Variants in KDM4B observed in about 807,000 individuals in gnomAD.
KDM4B encodes the protein lysine-specific demethylase 4B.
KDM4B carries 32 observed loss-of-function variants against 125.2 expected under a neutral mutation model. The ratio of observed to expected loss-of-function variants is 0.26; its 90% CI spans 0.19 to 0.34. The LOEUF (loss-of-function observed/expected upper bound fraction) is 0.34, where lower values mean the gene tolerates loss of function less well. KDM4B is among the 10% of genes least tolerant of loss of function. The pLI, the probability that KDM4B is intolerant of heterozygous loss-of-function variation, is 1.00. For synonymous variants in KDM4B, 721 were observed against 677.9 expected, an observed-to-expected ratio of 1.06 and a Z score of -0.99; for missense variants, 1,190 against 1,577.7, an observed-to-expected ratio of 0.75 and a Z score of 4.16.
At chr19:5,049,588 C>T (rs1311230173) in intron 6 of KDM4B, among the ~76,000 whole-genome samples, 2 of 152,110 alleles carry the variant, frequency 1.3e-5, no homozygotes, top group East Asian at 1.9e-4. Flanking sequence ...GCTCCCCACT[C>T]GCCCCCACAG....
Position 5,002,466 on chromosome 19 carries a change from C to T in KDM4B, c.-108-13791C>T, listed in dbSNP as rs966702358. On this transcript the variant is annotated intron_variant, in intron 1 of 22. Transcript: ENST00000159111. The stretch of plus-strand genomic sequence containing the variant: ...TCCCCTTTCTCTCTCCTTTCCTTTC[C>T]TTTCCTTTCCTTCTTTCTTTCCTTT... Among the ~76,000 whole-genome samples, 8 of 149,518 alleles carry T rather than the reference C, an allele frequency of 5.4e-5. No individual in the cohort carries two copies. In the Admixed American group the frequency reaches 5.4e-4, roughly 10 times the overall value.
chr19:5,088,420 G>T (rs1397910827), intron 9 of KDM4B, among the ~76,000 whole-genome samples: 1 of 152,204 alleles, frequency 6.6e-6, no homozygotes, highest in Non-Finnish European at 1.5e-5. Context: ...GGACACCACG[G>T]ATACAAACCC....
intron 6 of KDM4B, among the ~76,000 whole-genome samples, chr19:5,059,238 G>A (rs1485555935): frequency 2.0e-5 from 3 of 152,202 alleles, no homozygotes; most frequent in African/African-American, 7.2e-5. Context: ...GAGAGTCTTC[G>A]TTATCTTTGC....
At chr19:5,069,586 G>A (rs1307814405) in intron 6 of KDM4B, among the ~76,000 whole-genome samples, 3 of 150,980 alleles carry the variant, frequency 2.0e-5, no homozygotes, top group Middle Eastern at 3.2e-3. Context: ...GGGATTAGAC[G>A]TGAGCCACTG....
intron 21 of KDM4B, among the ~76,000 whole-genome samples, chr19:5,148,919 G>T (rs996315851): frequency 1.3e-5 from 2 of 152,208 alleles, no homozygotes; most frequent in Non-Finnish European, 2.9e-5. Flanking sequence ...TTCCCAGCAG[G>T]CTCCTCCACA....
At position 5,047,583 on chromosome 19, in the gene KDM4B, C is replaced by T; in HGVS notation, c.540C>T (p.Gly180=). 3 of 1,614,038 alleles carry T rather than the reference C, an allele frequency of 1.9e-6. No homozygotes were observed. The highest frequency in any genetic ancestry group is 2.5e-6 in the Non-Finnish European group (3 of 1,179,934). ...EGVNTPYLYF[G]MWKTTFAWHT... is the part of the protein sequence containing the mutation. ...TGAACACGCCCTACCTGTACTTCGGCATGTGGAAGACCACCTTCGCCTGGC... is the reference window on the plus strand; with the variant it reads ...TGAACACGCCCTACCTGTACTTCGGTATGTGGAAGACCACCTTCGCCTGGC... The change falls in exon 6 of 23, where the codon GGC becomes GGT. Residue 180 remains glycine (G), a synonymous_variant. Coordinates refer to ENST00000159111, the MANE Select transcript of KDM4B (RefSeq NM_015015.3).
chr19:4,988,449 G>A (rs769043455), intron 1 of KDM4B, among the ~76,000 whole-genome samples: 1 of 151,996 alleles, frequency 6.6e-6, no homozygotes, highest in African/African-American at 2.4e-5. Context: ...CTAATTTTTT[G>A]TATTTTTAGT....
At chr19:5,137,014 C>T (rs901511738) in intron 15 of KDM4B, among the ~76,000 whole-genome samples, 2 of 152,204 alleles carry the variant, frequency 1.3e-5, no homozygotes, top group Non-Finnish European at 1.5e-5. Flanking sequence ...CCCTGCTTCC[C>T]CTCCTGCGTC....
At chr19:5,047,772 G>A (rs747714089) in intron 6 of KDM4B, 103 bp downstream of exon 6, 169 of 1,161,976 alleles carry the variant, frequency 1.5e-4, no homozygotes, top group Middle Eastern at 2.8e-4. Context: ...GCCCCACCAG[G>A]TGAGGCCGCA....
At chr19:5,032,611 G>A (rs1356336398) in intron 2 of KDM4B, among the ~76,000 whole-genome samples, 4 of 152,210 alleles carry the variant, frequency 2.6e-5, no homozygotes, top group East Asian at 3.8e-4. Flanking sequence ...ACTGGCTCCC[G>A]GTGTCGCCTC....
chr19:5,145,217 G>GTTTT (rs576512998), intron 21 of KDM4B, among the ~76,000 whole-genome samples: 3 of 146,126 alleles, frequency 2.1e-5, no homozygotes, highest in Non-Finnish European at 3.0e-5. Flanking sequence ...GTACCCCTGG[G>GTTTT]TTTTTTTTTT....
chr19:5,071,070 G>T lies in KDM4B; in HGVS notation c.676+11G>T. 1 of 1,612,148 alleles carries T rather than the reference G, an allele frequency of 6.2e-7. No individual in the cohort carries two copies. Among genetic ancestry groups the T allele is most frequent in the Non-Finnish European group, 8.5e-7 (1 of 1,179,372 alleles). On this transcript the variant is annotated intron_variant, in intron 7 of 22. Transcript: ENST00000159111. The stretch of plus-strand genomic sequence containing the variant: ...AGCGGCTGGCCATCGGTAGGTGCCT[G>T]CCCTGAGGGCCCCAGGGACCTGGGA...
chr19:5,007,391 C>T (rs1036613896), intron 1 of KDM4B, among the ~76,000 whole-genome samples: 1 of 152,180 alleles, frequency 6.6e-6, no homozygotes, highest in Non-Finnish European at 1.5e-5. Flanking sequence ...ATGTCTGCTC[C>T]ATCCTTTGCC....
intron 6 of KDM4B, among the ~76,000 whole-genome samples, chr19:5,048,515 G>A (rs374097218): frequency 3.3e-5 from 5 of 152,096 alleles, no homozygotes; most frequent in South Asian, 2.1e-4. Context: ...CCGTCCTCGC[G>A]CTGGAGGAGG....
At chr19:5,017,944 G>C (rs1408239971) in intron 2 of KDM4B, among the ~76,000 whole-genome samples, 1 of 152,114 alleles carries the variant, frequency 6.6e-6, no homozygotes, top group Non-Finnish European at 1.5e-5. Context: ...GTTTCACCGT[G>C]TTAGCCAGGA....
At chr19:5,043,687 C>T (rs982281107) in intron 5 of KDM4B, among the ~76,000 whole-genome samples, 10 of 143,914 alleles carry the variant, frequency 6.9e-5, no homozygotes, top group Admixed American at 2.8e-4. Context: ...CCGTATCCTG[C>T]GTGGTGTTTA....
Position 5,131,338 on chromosome 19 carries a change from C to T in KDM4B, c.1578C>T (p.Ile526=), listed in dbSNP as rs1421544429. The T allele has an allele frequency of 1.2e-6, 2 of 1,612,142 alleles. No individual in the cohort carries two copies. The highest frequency in any genetic ancestry group is 1.3e-5 in the African/African-American group (1 of 74,788). ...TAGAGGCCAAGCCTCGGCCCATCAT[C>T]CCCATGCTGTACGTGGTGCCGCGGC... ...EELEAKPRPI[I]PMLYVVPRPG... Residue 526 remains isoleucine, a synonymous_variant, in exon 12 of 23, where the codon ATC becomes ATT. Transcript: ENST00000159111.
At chr19:5,021,116 C>T (rs531164637) in intron 2 of KDM4B, among the ~76,000 whole-genome samples, 1 of 148,960 alleles carries the variant, frequency 6.7e-6, no homozygotes, top group African/African-American at 2.5e-5. Context: ...CTGCACTCCA[C>T]CTGGGCGACA....
intron 10 of KDM4B, chr19:5,119,301 C>G (rs1217842772): frequency 1.0e-6 from 1 of 999,446 alleles, no homozygotes; most frequent in African/African-American, 1.6e-5. Context: ...CTCCCTGTGT[C>G]TCTGTCCCGT....
Sources: gnomAD v4.1 joint callset for allele counts (sites outside exome capture counted in the v4.1 genomes callset) on GRCh38, gnomAD v4.1.1 for gene constraint, MANE v1.5 for transcripts, NCBI Gene and HGNC (gene_info 2026-07-23, HGNC 2026-07-21) for gene names.